STARD13: variants seen among roughly 807,000 people sequenced by gnomAD.
STARD13 encodes stAR-related lipid transfer protein 13.
STARD13 carries 62 observed loss-of-function variants against 106.4 expected under a neutral mutation model. The ratio of observed to expected loss-of-function variants is 0.58; its 90% CI spans 0.48 to 0.72. The LOEUF (loss-of-function observed/expected upper bound fraction) is 0.72, where lower values mean the gene tolerates loss of function less well. STARD13 is among the 30% of genes least tolerant of loss of function. STARD13 has a pLI of 0.00. For missense variants in STARD13, 1,387 were observed against 1,424.0 expected (o/e 0.97, Z 0.42); for synonymous variants, 565 against 553.0 (o/e 1.02, Z -0.31).
chr13:33,431,497 G>T, the STARD13 span, among the ~76,000 whole-genome samples: 2 of 152,062 alleles, frequency 1.3e-5, no homozygotes, highest in Non-Finnish European at 2.9e-5. Flanking sequence ...CTATTAGATG[G>T]CACTGTTGTG....
the STARD13 span, chr13:33,676,673 CTTACCTT>C: frequency 3.6e-4 from 55 of 152,176 alleles, 1 homozygote; most frequent in Admixed American, 3.0e-3. Context: ...CTGAGCACTC[CTTACCTT>C]ACAATTTCGG....
At chr13:33,606,883 T>G in the STARD13 span, among the ~76,000 whole-genome samples, 3 of 152,248 alleles carry the variant, frequency 2.0e-5, no homozygotes, top group African/African-American at 4.8e-5. Context: ...CCTGGTATGC[T>G]GCATCTTTCA....
At chr13:33,149,457 A>G (rs1177739900) in intron 3 of STARD13, among the ~76,000 whole-genome samples, 7 of 152,234 alleles carry the variant, frequency 4.6e-5, no homozygotes, top group Non-Finnish European at 1.0e-4. Flanking sequence ...ACTGATGTAA[A>G]ATTATCTATG....
intron 1 of STARD13, among the ~76,000 whole-genome samples, chr13:33,284,053 A>C (rs1480701765): frequency 2.6e-5 from 4 of 152,192 alleles, no homozygotes; most frequent in Non-Finnish European, 5.9e-5. Flanking sequence ...CACCATTGTC[A>C]GAAATTTCTA....
chr13:33,584,522 A>G, the STARD13 span, among the ~76,000 whole-genome samples: 1 of 151,830 alleles, frequency 6.6e-6, no homozygotes, highest in Non-Finnish European at 1.5e-5. Context: ...ATCAGGCCCC[A>G]CCTCTAACAC....
intron 3 of STARD13, among the ~76,000 whole-genome samples, chr13:33,162,660 A>G (rs777430359): frequency 1.3e-5 from 2 of 152,332 alleles, no homozygotes; most frequent in Admixed American, 6.5e-5. Flanking sequence ...TTGCTAAAAC[A>G]TAACAAGAGT....
chr13:33,395,017 C>G, the STARD13 span, among the ~76,000 whole-genome samples: 1 of 152,268 alleles, frequency 6.6e-6, no homozygotes, highest in African/African-American at 2.4e-5. Flanking sequence ...GTTTATCCAT[C>G]AGGACTCAGG....
intron 1 of STARD13, among the ~76,000 whole-genome samples, chr13:33,167,998 ATT>A (rs58705674): frequency 0.2 from 30,605 of 149,750 alleles, 4,793 homozygotes; most frequent in African/African-American, 0.44. Context: ...TTTTAATGGA[ATT>A]TTTTTTTTAA....
At chr13:33,437,025 C>T in the STARD13 span, among the ~76,000 whole-genome samples, 4 of 152,010 alleles carry the variant, frequency 2.6e-5, no homozygotes, top group Non-Finnish European at 4.4e-5. Context: ...AGGAGACCAC[C>T]CCTCATATTG....
chr13:33,461,428 A>C, the STARD13 span, among the ~76,000 whole-genome samples: 5 of 152,172 alleles, frequency 3.3e-5, no homozygotes, highest in Non-Finnish European at 5.9e-5. Flanking sequence ...AGCCACATAA[A>C]GTAGGTATTA....
At chr13:33,458,231 C>T in the STARD13 span, among the ~76,000 whole-genome samples, 14 of 151,322 alleles carry the variant, frequency 9.3e-5, no homozygotes, top group African/African-American at 3.4e-4. Context: ...AAAGTTATCA[C>T]TTAAAGTTGA....
the STARD13 span, among the ~76,000 whole-genome samples, chr13:33,392,492 T>C: frequency 6.6e-6 from 1 of 152,128 alleles, no homozygotes; most frequent in African/African-American, 2.4e-5. Context: ...CTCCGTCTCC[T>C]GGATTCAAGT....
intron 1 of STARD13, among the ~76,000 whole-genome samples, chr13:33,260,928 C>T (rs1175516361): frequency 6.6e-6 from 1 of 152,328 alleles, no homozygotes; most frequent in East Asian, 1.9e-4. Flanking sequence ...CCACGTCCTT[C>T]CCGTCTTCAT....
chr13:33,331,428 C>G (rs1429192776), intron 1 of STARD13, among the ~76,000 whole-genome samples: 1 of 152,178 alleles, frequency 6.6e-6, no homozygotes, highest in Non-Finnish European at 1.5e-5. Flanking sequence ...GCTCGGCTCA[C>G]TGCAATCCCT....
At chr13:33,185,154 A>G (rs1885631848) in intron 1 of STARD13, among the ~76,000 whole-genome samples, 1 of 152,142 alleles carries the variant, frequency 6.6e-6, no homozygotes, top group Non-Finnish European at 1.5e-5. Flanking sequence ...GGGTTCAGGT[A>G]AATTCTGACT....
At chr13:33,330,654 G>GA (rs886905098) in intron 1 of STARD13, among the ~76,000 whole-genome samples, 2 of 152,092 alleles carry the variant, frequency 1.3e-5, no homozygotes, top group African/African-American at 2.4e-5. Context: ...AAAGTCCTCT[G>GA]AAAAAATAGG....
intron 7 of STARD13, 101 bp downstream of exon 7, chr13:33,125,980 T>G: frequency 7.5e-7 from 1 of 1,324,544 alleles, no homozygotes; most frequent in South Asian, 1.3e-5. Context: ...GTGAGGCATG[T>G]CTTGCCTGAT....
chr13:33,131,479 C>T (rs1322601550), intron 4 of STARD13, among the ~76,000 whole-genome samples: 1 of 151,456 alleles, frequency 6.6e-6, no homozygotes, highest in African/African-American at 2.4e-5. Flanking sequence ...AAAGCCTCCA[C>T]TCTCAGTTGT....
intron 1 of STARD13, among the ~76,000 whole-genome samples, chr13:33,297,912 T>C (rs893427990): frequency 6.6e-6 from 1 of 152,130 alleles, no homozygotes; most frequent in African/African-American, 2.4e-5. Context: ...CAGTGTCTCA[T>C]ACAGTTATGC....
Sources: gnomAD v4.1 joint callset for allele counts (sites outside exome capture counted in the v4.1 genomes callset) on GRCh38, gnomAD v4.1.1 for gene constraint, MANE v1.5 for transcripts, NCBI Gene and HGNC (gene_info 2026-07-23, HGNC 2026-07-21) for gene names.